Variants in MAPDA observed in about 807,000 individuals in gnomAD.
The protein encoded by MAPDA is N6-Methyl-AMP deaminase.
the MAPDA span, chr15:43,336,775 A>C: frequency 2.9e-6 from 3 of 1,047,884 alleles, no homozygotes; most frequent in Non-Finnish European, 4.0e-6. Context: ...TTTTGCTCTC[A>C]TTAAGAGTGA....
chr15:43,346,334 A>G, the MAPDA span, among the ~76,000 whole-genome samples: 1 of 152,212 alleles, frequency 6.6e-6, no homozygotes, highest in Non-Finnish European at 1.5e-5. Flanking sequence ...ACTGTCTCAT[A>G]GATAGTTGAG....
chr15:43,350,988 G>C, the MAPDA span: 1 of 1,551,552 alleles, frequency 6.4e-7, no homozygotes, highest in Non-Finnish European at 8.7e-7. Context: ...TCCATCTTAT[G>C]ACCAGCACCA....
chr15:43,349,647 T>G, the MAPDA span, among the ~76,000 whole-genome samples: 1 of 152,250 alleles, frequency 6.6e-6, no homozygotes, highest in African/African-American at 2.4e-5. Context: ...TAACCACTTT[T>G]GATTGGATGG....
chr15:43,354,059 T>C, the MAPDA span: 2 of 152,234 alleles, frequency 1.3e-5, no homozygotes, highest in African/African-American at 4.8e-5. Context: ...GGGCCCTCAA[T>C]CTGTGGGATC....
At chr15:43,335,079 TGGA>T in the MAPDA span, 1 of 1,607,600 alleles carries the variant, frequency 6.2e-7, no homozygotes, top group African/African-American at 1.3e-5. Flanking sequence ...AGAATAAGAG[TGGA>T]GAAGAATCAT....
At chr15:43,336,705 T>C in the MAPDA span, 7 of 1,509,980 alleles carry the variant, frequency 4.6e-6, no homozygotes, top group Non-Finnish European at 6.2e-6. Context: ...TGAAGGAATT[T>C]TTAGAATGGT....
the MAPDA span, chr15:43,349,072 A>G: frequency 1.2e-6 from 2 of 1,614,056 alleles, no homozygotes; most frequent in East Asian, 4.5e-5. Flanking sequence ...CAGGTCTTCC[A>G]GATGACTCTC....
chr15:43,353,134 A>G, the MAPDA span: 9 of 152,182 alleles, frequency 5.9e-5, no homozygotes, highest in African/African-American at 1.9e-4. Context: ...TAGTGGCAAC[A>G]TTGTGTTAAG....
At chr15:43,352,026 C>G in the MAPDA span, 3 of 1,401,788 alleles carry the variant, frequency 2.1e-6, no homozygotes, top group Admixed American at 2.3e-5. Flanking sequence ...CAGTCCACCA[C>G]TCCTTTGAAG....
At chr15:43,331,791 C>T in the MAPDA span, 1 of 152,168 alleles carries the variant, frequency 6.6e-6, no homozygotes, top group Non-Finnish European at 1.5e-5. Context: ...AAGGAGGTAT[C>T]CAGTCTAAAT....
chr15:43,350,989 A>ACCAGCACCATTTCGGAT, the MAPDA span: 1 of 1,551,630 alleles, frequency 6.4e-7, no homozygotes. Context: ...CCATCTTATG[A>ACCAGCACCATTTCGGAT]CCAGCACCAT....
At chr15:43,347,534 C>G in the MAPDA span, among the ~76,000 whole-genome samples, 1 of 152,186 alleles carries the variant, frequency 6.6e-6, no homozygotes, top group East Asian at 1.9e-4. Flanking sequence ...TCCAGTGCCC[C>G]TCATCAGCCC....
the MAPDA span, chr15:43,346,094 T>C: frequency 7.2e-7 from 1 of 1,391,990 alleles, no homozygotes; most frequent in Non-Finnish European, 9.9e-7. Context: ...GACACTCCAT[T>C]CTGTGGATGA....
chr15:43,345,752 G>GC, the MAPDA span: 2 of 1,390,308 alleles, frequency 1.4e-6, no homozygotes, highest in Non-Finnish European at 2.0e-6. Context: ...TTCCTAGTGA[G>GC]ATGTATTACA....
chr15:43,350,850 T>G, the MAPDA span: 2 of 1,135,730 alleles, frequency 1.8e-6, no homozygotes, highest in South Asian at 1.5e-5. Flanking sequence ...ATTAGCAAAA[T>G]TTGGAAATAT....
At chr15:43,350,832 T>A in the MAPDA span, 1 of 896,608 alleles carries the variant, frequency 1.1e-6, no homozygotes, top group Non-Finnish European at 1.7e-6. Context: ...ACTAATAAAC[T>A]ACTTTAAATT....
the MAPDA span, among the ~76,000 whole-genome samples, chr15:43,332,674 ATAACTATC>A: frequency 6.6e-6 from 1 of 152,228 alleles, no homozygotes; most frequent in Non-Finnish European, 1.5e-5. Flanking sequence ...TTTAAACAAA[ATAACTATC>A]TAAGACACCA....
chr15:43,351,518 A>T, the MAPDA span: 1 of 507,138 alleles, frequency 2.0e-6, no homozygotes. Context: ...AGGCTTTAAA[A>T]GCTCCTTAGG....
chr15:43,338,808 G>A, the MAPDA span, among the ~76,000 whole-genome samples: 1 of 152,190 alleles, frequency 6.6e-6, no homozygotes, highest in African/African-American at 2.4e-5. Context: ...GGATGGTTCT[G>A]TAGGCTTCAC....
Sources: allele counts gnomAD v4.1 joint callset (sites outside exome capture counted in the v4.1 genomes callset), GRCh38; gene constraint gnomAD v4.1.1; transcripts MANE v1.5; gene names NCBI Gene and HGNC (gene_info 2026-07-23, HGNC 2026-07-21).